The following HDLBP variants were observed in gnomAD, a reference collection of about 807,000 sequenced individuals.
HDLBP encodes the protein vigilin.
A neutral mutation model predicts 137.3 loss-of-function variants in HDLBP; 30 were observed. That is an observed-to-expected ratio of 0.22 (90% confidence interval 0.16 to 0.30). HDLBP has a LOEUF of 0.30. HDLBP is among the 10% of genes least tolerant of loss of function. The pLI is 1.00. For synonymous variants in HDLBP, 606 were observed against 596.0 expected (o/e 1.02, Z -0.24); for missense variants, 1,119 against 1,667.3 (o/e 0.67, Z 5.73).
At chr2:241,298,380 AT>A (rs2075264541) in intron 1 of HDLBP, among the ~76,000 whole-genome samples, 1 of 151,832 alleles carries the variant, frequency 6.6e-6, no homozygotes. Flanking sequence ...AATAATAATA[AT>A]GAAAAAAATA....
Position 241,240,472 on chromosome 2 carries a change from G to C in HDLBP, c.2170-350C>G, listed in dbSNP as rs913635566. ...CAACGCGCCGGACGATATGTTGGCG[G>C]AGTGCACGTCCTGGGGAGCGTGGGG... On this transcript the variant is annotated intron_variant, in intron 17 of 27. Coordinates refer to ENST00000310931, the MANE Select transcript of HDLBP (RefSeq NM_005336.6). The surrounding 1 kb of genome is among the most constrained non-coding windows in gnomAD (Gnocchi z 5.5). 1.3e-5 allele frequency among the ~76,000 whole-genome samples: 2 copies of C among 151,646 alleles called. No homozygotes were observed. Among genetic ancestry groups the C allele is most frequent in the African/African-American group, 4.8e-5 (2 of 41,426 alleles).
Position 241,249,824 on chromosome 2 carries a change from C to A in HDLBP, c.1512+17G>T. On this transcript the variant is annotated intron_variant, in intron 12 of 27. Coordinates refer to ENST00000310931, the MANE Select transcript of HDLBP (RefSeq NM_005336.6). ...CAAGGCCAGTGCCTTTCTAGAGGGC[C>A]CAGCCATGGCACTTACCATGCGAGA... The A allele has an allele frequency of 1.9e-6, 3 of 1,590,084 alleles. No individual in the cohort carries two copies. Among genetic ancestry groups the A allele is most frequent in the Non-Finnish European group, 2.6e-6 (3 of 1,170,268 alleles).
intron 1 of HDLBP, chr2:241,273,062 C>T: frequency 1.0e-6 from 1 of 985,482 alleles, no homozygotes; most frequent in Non-Finnish European, 1.2e-6. Flanking sequence ...GAGCGCGCCC[C>T]GCAAGAACCC....
intron 20 of HDLBP, 128 bp from the exon 21 acceptor site, chr2:241,236,897 G>A (rs1165272864): frequency 3.5e-6 from 3 of 861,782 alleles, no homozygotes; most frequent in Non-Finnish European, 5.3e-6. Flanking sequence ...AACCACTCCT[G>A]TCCTTCAGGA....
At chr2:241,262,494 C>T (rs1178403038) in intron 5 of HDLBP, among the ~76,000 whole-genome samples, 1 of 152,154 alleles carries the variant, frequency 6.6e-6, no homozygotes, top group Non-Finnish European at 1.5e-5. Flanking sequence ...TTCATTCACT[C>T]AAAGAGCAAA....
intron 20 of HDLBP, among the ~76,000 whole-genome samples, chr2:241,237,172 T>C (rs12467671): frequency 0.04 from 6,125 of 152,030 alleles, 163 homozygotes; most frequent in Non-Finnish European, 0.063. Flanking sequence ...GAGGCAGGGC[T>C]CATCAGGGAA....
intron 1 of HDLBP, among the ~76,000 whole-genome samples, chr2:241,274,858 T>C (rs1244356456): frequency 6.6e-6 from 1 of 152,128 alleles, no homozygotes; most frequent in Non-Finnish European, 1.5e-5. Context: ...TCTGTGACAT[T>C]TGAGTTTTCA....
intron 12 of HDLBP, 88 bp from the exon 13 acceptor site, chr2:241,248,436 G>T: frequency 9.3e-7 from 1 of 1,071,572 alleles, no homozygotes. Flanking sequence ...GGAGCCCTGG[G>T]CACAGTCCTT....
intron 6 of HDLBP, 82 bp from the exon 7 acceptor site, chr2:241,256,481 A>G: frequency 6.7e-7 from 1 of 1,493,986 alleles, no homozygotes; most frequent in Admixed American, 1.8e-5. Flanking sequence ...AGTTGGAGTC[A>G]AGCCCTCCAC....
At chr2:241,288,172 G>C (rs773989950) in intron 1 of HDLBP, among the ~76,000 whole-genome samples, 1 of 152,170 alleles carries the variant, frequency 6.6e-6, no homozygotes, top group Non-Finnish European at 1.5e-5. Context: ...GAAAAACAGA[G>C]TCACAAAATT....
At chr2:241,265,972 G>T (rs973218991) in intron 3 of HDLBP, among the ~76,000 whole-genome samples, 7 of 152,112 alleles carry the variant, frequency 4.6e-5, no homozygotes, top group Non-Finnish European at 1.0e-4. Flanking sequence ...GTGTGACTAA[G>T]GAAAAGTTAA....
At chr2:241,295,130 C>T (rs187079206) in intron 1 of HDLBP, among the ~76,000 whole-genome samples, 62 of 152,124 alleles carry the variant, frequency 4.1e-4, no homozygotes, top group Non-Finnish European at 6.6e-4. Context: ...TAAACATATA[C>T]GTGGCTGACC....
intron 1 of HDLBP, among the ~76,000 whole-genome samples, chr2:241,283,199 A>G (rs2074673295): frequency 6.6e-6 from 1 of 152,206 alleles, no homozygotes; most frequent in Non-Finnish European, 1.5e-5. Flanking sequence ...GCAAGGCCCT[A>G]ACTCTCTTTA....
At position 241,258,237 on chromosome 2, in the gene HDLBP, C is replaced by G. The variant is rs372099878; in HGVS notation, c.451-1431G>C. Among the ~76,000 whole-genome samples, 34 of 151,128 alleles carry G rather than the reference C, an allele frequency of 2.2e-4. 1 individual carries two copies. Among genetic ancestry groups the G allele is most frequent in the African/African-American group, 8.3e-4 (34 of 41,098 alleles). On this transcript the variant is annotated intron_variant, in intron 5 of 27. Transcript: ENST00000310931. ...TGGCAGGCGCCTGTAATCCCAGCTA[C>G]TCGGGAGGCTGAGGCAGGCGAATGG...
At chr2:241,243,072 A>G (rs1461285254) in intron 16 of HDLBP, among the ~76,000 whole-genome samples, 2 of 152,170 alleles carry the variant, frequency 1.3e-5, no homozygotes, top group East Asian at 1.9e-4. Context: ...AACTTTTCCT[A>G]TTAAAACCAA....
chr2:241,255,716 G>C (rs1183229939), intron 7 of HDLBP, 136 bp from the exon 8 acceptor site: 5 of 685,072 alleles, frequency 7.3e-6, no homozygotes, highest in Admixed American at 7.0e-5. Context: ...AACAACAAGT[G>C]ATCAGGACTA....
chr2:241,236,705 T>A lies in HDLBP; in HGVS notation c.2814A>T (p.Lys938Asn). The change falls in exon 21 of 28, where the codon AAA becomes AAT. Residue 938 changes from lysine (K) to asparagine (N), a missense_variant. Physicochemically the swap from Lys to Asn is moderately conservative, Grantham distance 94 (BLOSUM62 0). Coordinates refer to ENST00000310931, the MANE Select transcript of HDLBP (RefSeq NM_005336.6). ...GDEAGEGREA[K>N]DCDPGSPRRC... is the part of the protein sequence containing the mutation. ...TCCTTGGAGAGCCGGGGTCACAATCTTTAGCCTCTCTCCCCTCCCCAGCTT... is the reference window on the plus strand; with the variant it reads ...TCCTTGGAGAGCCGGGGTCACAATCATTAGCCTCTCTCCCCTCCCCAGCTT... 1 of 1,614,066 alleles carries A rather than the reference T, an allele frequency of 6.2e-7. No individual in the cohort carries two copies. The highest frequency in any genetic ancestry group is 1.1e-5 in the South Asian group (1 of 91,080).
At chr2:241,300,801 C>CGTTGTGCAGACGACAAAGGGAACACAG (rs2075368162) in intron 1 of HDLBP, among the ~76,000 whole-genome samples, 2 of 152,106 alleles carry the variant, frequency 1.3e-5, no homozygotes, top group African/African-American at 4.8e-5. Flanking sequence ...CTGCTGAGCT[C>CGTTGTGCAGACGACAAAGGGAACACAG]GTTGTGCAGA....
At chr2:241,236,353 C>T (rs1020234198) in intron 21 of HDLBP, 14 of 516,774 alleles carry the variant, frequency 2.7e-5, no homozygotes, top group African/African-American at 5.7e-5. Context: ...CCGCACCCAC[C>T]GTGGGCCTGA....
Sources: allele counts gnomAD v4.1 joint callset (sites outside exome capture counted in the v4.1 genomes callset), GRCh38; gene constraint gnomAD v4.1.1; non-coding constraint Gnocchi (gnomAD v3.1); transcripts MANE v1.5; gene names NCBI Gene and HGNC (gene_info 2026-07-23, HGNC 2026-07-21).